The following UBE3C variants were observed in gnomAD, a reference collection of about 807,000 sequenced individuals.
UBE3C encodes the protein ubiquitin-protein ligase E3C.
In UBE3C, 42 loss-of-function variants were observed where a neutral mutation model predicts 129.4. That is an observed-to-expected ratio of 0.32 (90% CI 0.25 to 0.42). The LOEUF is 0.42. Ranked by LOEUF, UBE3C falls within the 10% of genes least tolerant of loss-of-function variation. UBE3C has a pLI of 1.00. For synonymous variants in UBE3C, 510 were observed against 492.4 expected (o/e 1.04, Z -0.47); for missense variants, 1,049 against 1,319.1 (o/e 0.80, Z 3.17).
At chr7:157,229,936 T>A (rs1795978758) in intron 17 of UBE3C, among the ~76,000 whole-genome samples, 1 of 151,642 alleles carries the variant, frequency 6.6e-6, no homozygotes, top group African/African-American at 2.4e-5. Flanking sequence ...TTTTTTTTTT[T>A]TTGAGACTGT....
Position 157,201,808 on chromosome 7 carries a change from G to T in UBE3C, c.1418+1G>T. On this transcript the variant is annotated splice_donor_variant, in intron 11 of 22. Transcript: ENST00000348165. LOFTEE classifies it high-confidence loss of function. Reference sequence around the variant, plus strand: ...CCATGTCAACACGGATGATCACAGGGTATGTATTATACAGACTTATAAATT... The same window carrying T: ...CCATGTCAACACGGATGATCACAGGTTATGTATTATACAGACTTATAAATT... 1.2e-6 allele frequency: 2 copies of T among 1,606,104 alleles called. No individual in the cohort carries two copies. The highest frequency in any genetic ancestry group is 1.7e-6 in the Non-Finnish European group (2 of 1,176,420).
chr7:157,259,680 C>G (rs927092716), intron 22 of UBE3C, among the ~76,000 whole-genome samples: 1 of 152,194 alleles, frequency 6.6e-6, no homozygotes, highest in Non-Finnish European at 1.5e-5. Context: ...TTGAAAGGCA[C>G]ATTTAGAGAC....
At chr7:157,209,370 T>C (rs1809527685) in intron 13 of UBE3C, among the ~76,000 whole-genome samples, 1 of 152,232 alleles carries the variant, frequency 6.6e-6, no homozygotes, top group Admixed American at 6.5e-5. Flanking sequence ...TGATGTAATA[T>C]ATGTTTGCAC....
At chr7:157,181,855 A>G (rs1460397021) in intron 7 of UBE3C, among the ~76,000 whole-genome samples, 184 bp downstream of exon 7, 1 of 152,216 alleles carries the variant, frequency 6.6e-6, no homozygotes, top group African/African-American at 2.4e-5. Context: ...CAAATTTGTG[A>G]TTCTGATAAC....
At chr7:157,168,963 A>C in intron 2 of UBE3C, 85 bp from the exon 3 acceptor site, 1 of 1,001,692 alleles carries the variant, frequency 1.0e-6, no homozygotes, top group Non-Finnish European at 1.6e-6. Context: ...CATAGCTGTT[A>C]GTGTTTTTAA....
chr7:157,241,255 G>A (rs1329103055), intron 18 of UBE3C, among the ~76,000 whole-genome samples: 1 of 152,116 alleles, frequency 6.6e-6, no homozygotes, highest in Admixed American at 6.6e-5. Context: ...GTGAGACCAG[G>A]AGCACAAAAA....
chr7:157,170,587 T>A, intron 4 of UBE3C, 137 bp downstream of exon 4: 6 of 912,648 alleles, frequency 6.6e-6, no homozygotes, highest in Non-Finnish European at 8.9e-6. Context: ...CAGCTAGCTG[T>A]GAGAGGTTAC....
intron 22 of UBE3C, among the ~76,000 whole-genome samples, chr7:157,266,317 A>T (rs113254185): frequency 1.3e-5 from 2 of 152,174 alleles, no homozygotes; most frequent in Non-Finnish European, 2.9e-5. Context: ...CCGTCTCAAA[A>T]AAATAAATAA....
At chr7:157,223,924 G>T (rs988121109) in intron 16 of UBE3C, among the ~76,000 whole-genome samples, 15 of 152,140 alleles carry the variant, frequency 9.9e-5, no homozygotes, top group African/African-American at 3.1e-4. Context: ...TATCTCAAAG[G>T]GGGGAAGAAA....
chr7:157,141,658 T>G (rs956324653), intron 1 of UBE3C, among the ~76,000 whole-genome samples: 1 of 152,230 alleles, frequency 6.6e-6, no homozygotes, highest in South Asian at 2.1e-4. Context: ...GTCGACAGAC[T>G]GAGAGGTCAT....
At chr7:157,147,511 C>T (rs1807639209) in intron 1 of UBE3C, among the ~76,000 whole-genome samples, 1 of 151,660 alleles carries the variant, frequency 6.6e-6, no homozygotes, top group African/African-American at 2.4e-5. Context: ...ATCTGTATGC[C>T]TTTTTTTTCT....
At chr7:157,155,653 T>G (rs1437466684) in intron 1 of UBE3C, among the ~76,000 whole-genome samples, 2 of 152,216 alleles carry the variant, frequency 1.3e-5, no homozygotes, top group African/African-American at 4.8e-5. Context: ...ACCACTAAAT[T>G]TATTTAGTGA....
intron 1 of UBE3C, among the ~76,000 whole-genome samples, chr7:157,140,713 C>G (rs543365130): frequency 6.6e-6 from 1 of 152,306 alleles, no homozygotes; most frequent in Non-Finnish European, 1.5e-5. Flanking sequence ...GCCTCTGTTG[C>G]AGGCAGGAAC....
At chr7:157,229,950 G>A (rs1193825950) in intron 17 of UBE3C, among the ~76,000 whole-genome samples, 6 of 150,618 alleles carry the variant, frequency 4.0e-5, no homozygotes, top group Admixed American at 6.6e-5. Flanking sequence ...AGACTGTCAC[G>A]CAGGTTGGGA....
At chr7:157,188,902 CAG>C in intron 10 of UBE3C, 1 of 622,798 alleles carries the variant, frequency 1.6e-6, no homozygotes, top group Non-Finnish European at 3.0e-6. Flanking sequence ...CTTTTATTTT[CAG>C]AGTTAGGATT....
intron 14 of UBE3C, among the ~76,000 whole-genome samples, chr7:157,219,168 T>G (rs973268753): frequency 1.3e-5 from 2 of 152,130 alleles, no homozygotes; most frequent in Non-Finnish European, 2.9e-5. Flanking sequence ...TCTGAGATGG[T>G]GTGTTGGCCT....
rs1023706643 is a variant in UBE3C at position 157,257,157 on chromosome 7, C to T, written c.3081+113C>T. On this transcript the variant is annotated intron_variant, in intron 22 of 22. Coordinates refer to ENST00000348165, the MANE Select transcript of UBE3C (RefSeq NM_014671.3). ...TTACATACACTTTTGTTTTTATCTT[C>T]AGCTAGATTTTTAATTAAGTACTGG... 7 of 1,401,494 alleles carry T rather than the reference C, an allele frequency of 5.0e-6. No individual in the cohort carries two copies. In the African/African-American group the frequency reaches 7.3e-5, roughly 15 times the overall value. 86.8% of individuals were successfully genotyped at this position (1,401,494 alleles called of 1,614,324 possible). A position where few individuals can be genotyped will look rare whatever the true frequency, so the allele number is the denominator to read the frequency against.
chr7:157,200,263 T>C (rs1809244388), intron 10 of UBE3C, among the ~76,000 whole-genome samples: 1 of 152,192 alleles, frequency 6.6e-6, no homozygotes, highest in African/African-American at 2.4e-5. Context: ...TGTACCCTTA[T>C]TGCCATCTGG....
intron 1 of UBE3C, among the ~76,000 whole-genome samples, chr7:157,141,573 C>T: frequency 6.6e-6 from 1 of 152,188 alleles, no homozygotes; most frequent in East Asian, 1.9e-4. Flanking sequence ...TGGTGAGTGT[C>T]TGTGCATCCA....
Sources: allele counts gnomAD v4.1 joint callset (sites outside exome capture counted in the v4.1 genomes callset), GRCh38; gene constraint gnomAD v4.1.1; transcripts MANE v1.5; gene names NCBI Gene and HGNC (gene_info 2026-07-23, HGNC 2026-07-21).